Variants in TMEM117 observed in about 807,000 individuals in gnomAD.
TMEM117 encodes the protein transmembrane protein 117.
In TMEM117, 27 loss-of-function variants were observed where a neutral mutation model predicts 52.4. The ratio of observed to expected loss-of-function variants is 0.51; its 90% CI spans 0.38 to 0.71. The LOEUF (loss-of-function observed/expected upper bound fraction) is 0.71, where lower values mean the gene tolerates loss of function less well. Among genes scored for constraint, TMEM117 ranks in the 30% least tolerant of loss-of-function variants. TMEM117 has a pLI of 0.00. For synonymous variants in TMEM117, 215 were observed against 206.3 expected, an observed-to-expected ratio of 1.04 and a Z score of -0.36; for missense variants, 556 against 630.5, an observed-to-expected ratio of 0.88 and a Z score of 1.26.
At chr12:43,975,236 C>T (rs117414031) in intron 3 of TMEM117, among the ~76,000 whole-genome samples, 1 of 152,180 alleles carries the variant, frequency 6.6e-6, no homozygotes, top group East Asian at 1.9e-4. Context: ...AGGGTATGGT[C>T]AGGAAGACAA....
At chr12:43,887,285 T>C (rs2137466844) in intron 2 of TMEM117, among the ~76,000 whole-genome samples, 1 of 152,334 alleles carries the variant, frequency 6.6e-6, no homozygotes, top group Non-Finnish European at 1.5e-5. Context: ...AAAATGTTAT[T>C]GAGAATCTTA....
chr12:44,157,297 T>G (rs1278599846), intron 4 of TMEM117, among the ~76,000 whole-genome samples: 1 of 152,126 alleles, frequency 6.6e-6, no homozygotes, highest in Non-Finnish European at 1.5e-5. Context: ...TTTTTAGTAA[T>G]TATTACTTAG....
At chr12:44,205,634 A>C (rs1206282226) in intron 4 of TMEM117, among the ~76,000 whole-genome samples, 2 of 152,214 alleles carry the variant, frequency 1.3e-5, no homozygotes, top group Non-Finnish European at 2.9e-5. Context: ...AGGAAGACAT[A>C]CACATGGCCA....
chr12:43,923,819 C>G (rs1944733765), intron 2 of TMEM117, among the ~76,000 whole-genome samples: 1 of 152,084 alleles, frequency 6.6e-6, no homozygotes, highest in Non-Finnish European at 1.5e-5. Flanking sequence ...TACTAATATT[C>G]TAACCACAGA....
intron 6 of TMEM117, among the ~76,000 whole-genome samples, chr12:44,321,663 TA>T (rs1241914843): frequency 6.6e-6 from 1 of 151,774 alleles, no homozygotes; most frequent in African/African-American, 2.4e-5. Context: ...ACATTAGGAG[TA>T]AAAACTTATA....
At chr12:43,935,111 C>T (rs1014122688) in intron 2 of TMEM117, among the ~76,000 whole-genome samples, 3 of 152,094 alleles carry the variant, frequency 2.0e-5, no homozygotes, top group Non-Finnish European at 4.4e-5. Flanking sequence ...TGGGCTCAGT[C>T]GATTCTCCCA....
chr12:44,039,477 T>G (rs1188014033), intron 3 of TMEM117, among the ~76,000 whole-genome samples: 3 of 151,534 alleles, frequency 2.0e-5, no homozygotes, highest in Non-Finnish European at 2.9e-5. Flanking sequence ...CTTGGGCTTT[T>G]GTTCTTTCAT....
At chr12:44,035,191 A>G (rs928041490) in intron 3 of TMEM117, among the ~76,000 whole-genome samples, 8 of 152,298 alleles carry the variant, frequency 5.3e-5, no homozygotes, top group African/African-American at 1.9e-4. Flanking sequence ...TGTATCTTCT[A>G]CTGGCTCTGT....
At chr12:43,982,467 A>G (rs939915122) in intron 3 of TMEM117, among the ~76,000 whole-genome samples, 3 of 151,984 alleles carry the variant, frequency 2.0e-5, no homozygotes, top group African/African-American at 4.8e-5. Context: ...AAACCCCCAT[A>G]CTCTTTGTTT....
chr12:44,176,785 G>T (rs1246161886), intron 4 of TMEM117, among the ~76,000 whole-genome samples: 1 of 152,126 alleles, frequency 6.6e-6, no homozygotes, highest in African/African-American at 2.4e-5. Flanking sequence ...TCTGCATTGT[G>T]AGGTGTTTCT....
intron 4 of TMEM117, among the ~76,000 whole-genome samples, chr12:44,204,779 G>A (rs971256309): frequency 2.0e-5 from 3 of 152,188 alleles, no homozygotes; most frequent in Admixed American, 1.3e-4. Flanking sequence ...CTTCAACAAA[G>A]TTGATAATAA....
intron 2 of TMEM117, among the ~76,000 whole-genome samples, chr12:43,941,484 A>ACAGT (rs1363160998): frequency 6.6e-6 from 1 of 152,240 alleles, no homozygotes; most frequent in Non-Finnish European, 1.5e-5. Context: ...AAGGGCAGAG[A>ACAGT]CAGTGTATTT....
intron 5 of TMEM117, among the ~76,000 whole-genome samples, chr12:44,215,917 T>G (rs986468384): frequency 4.0e-5 from 6 of 151,700 alleles, no homozygotes. Flanking sequence ...CAAATGTGAA[T>G]AAAATTGGCA....
intron 3 of TMEM117, among the ~76,000 whole-genome samples, chr12:44,056,182 C>T (rs557879611): frequency 5.3e-5 from 8 of 152,256 alleles, no homozygotes; most frequent in African/African-American, 1.9e-4. Context: ...TTACTGCAGC[C>T]TTGAACTCCT....
chr12:44,196,800 AG>A (rs1175975534), intron 4 of TMEM117, among the ~76,000 whole-genome samples: 1 of 152,212 alleles, frequency 6.6e-6, no homozygotes, highest in Non-Finnish European at 1.5e-5. Flanking sequence ...ATATAGAAGC[AG>A]TGCTTACTCA....
chr12:44,281,325 C>T lies in TMEM117; in HGVS notation c.609-18255C>T, dbSNP rs190179284. Among the ~76,000 whole-genome samples the T allele has an allele frequency of 8.0e-3, 1,222 of 151,968 alleles. 6 individuals are homozygous for T. The highest frequency in any genetic ancestry group is 0.013 in the Non-Finnish European group (892 of 67,966). ...CTGCCTTCCTAGCCATTATGTCATGCGGCCCTTATCATGGAAAACATTGTC... is the reference window on the plus strand; with the variant it reads ...CTGCCTTCCTAGCCATTATGTCATGTGGCCCTTATCATGGAAAACATTGTC... On this transcript the variant is annotated intron_variant, in intron 5 of 7. Transcript: ENST00000266534.
At chr12:43,804,155 T>A in the TMEM117 span, 2 of 197,002 alleles carry the variant, frequency 1.0e-5, no homozygotes, top group South Asian at 1.4e-4. Context: ...CAAGTAACTA[T>A]TTTTTTTTTT....
rs1945992611 is a variant in TMEM117 at position 43,994,275 on chromosome 12, A to C, written c.410+49933A>C. On this transcript the variant is annotated intron_variant, in intron 3 of 7. Transcript: ENST00000266534. ...TGCTTTCTCCAGTCAGAACTAAGGC[A>C]GTAAGCTACATCTCTGAGGAATGGA... is the stretch of plus-strand genomic sequence containing the variant. Among the ~76,000 whole-genome samples the C allele has an allele frequency of 3.9e-5, 6 of 152,352 alleles. No individual in the cohort carries two copies. In the South Asian group the frequency reaches 1.2e-3, roughly 32 times the overall value.
intron 3 of TMEM117, among the ~76,000 whole-genome samples, chr12:44,044,879 A>G (rs986312658): frequency 3.9e-5 from 6 of 152,250 alleles, no homozygotes; most frequent in African/African-American, 1.2e-4. Flanking sequence ...ATACTGATTC[A>G]TGGGCTGTAG....
Sources: allele counts gnomAD v4.1 joint callset (sites outside exome capture counted in the v4.1 genomes callset), GRCh38; gene constraint gnomAD v4.1.1; transcripts MANE v1.5; gene names NCBI Gene and HGNC (gene_info 2026-07-23, HGNC 2026-07-21).